The following KLF8 variants were observed in gnomAD, a reference collection of about 807,000 sequenced individuals.
KLF8 encodes the protein KLF transcription factor 8.
In KLF8, 10 loss-of-function variants were observed where a neutral mutation model predicts 18.2. The ratio of observed to expected loss-of-function variants is 0.55; its 90% CI spans 0.34 to 0.93. KLF8 has a LOEUF of 0.93. Ranked by LOEUF, KLF8 falls within the 40% of genes least tolerant of loss-of-function variation. The pLI is 0.02. For missense variants in KLF8, 264 were observed against 277.9 expected (o/e 0.95, Z 0.36); for synonymous variants, 109 against 97.3 (o/e 1.12, Z -0.71).
chrX:56,213,834 G>A, the KLF8 span, among the ~76,000 whole-genome samples: 1 of 111,287 alleles, frequency 9.0e-6, no homozygotes, highest in Non-Finnish European at 1.9e-5. Context: ...TTTTCACAAG[G>A]GCACAGGATC....
chrX:56,173,496 C>T, the KLF8 span, among the ~76,000 whole-genome samples: 5 of 111,924 alleles, frequency 4.5e-5, no homozygotes, highest in African/African-American at 1.6e-4. Context: ...GTTTTGGTTA[C>T]TGTAGCCTTG....
At chrX:55,971,510 T>A in the KLF8 span, among the ~76,000 whole-genome samples, 165 of 111,223 alleles carry the variant, frequency 1.5e-3, 1 homozygote, top group South Asian at 0.024. Flanking sequence ...GGCAAAGATT[T>A]TTTGAGTAAT....
At chrX:55,961,426 T>A in the KLF8 span, 2 of 530,778 alleles carry the variant, frequency 3.8e-6, no homozygotes, top group Non-Finnish European at 7.0e-6. Flanking sequence ...TGGAAAGCCT[T>A]ACATGCTGCT....
rs1377417087 is a variant in KLF8, at chrX:56,289,874, T to C, written c.*5380T>C. Among the ~76,000 whole-genome samples the C allele has an allele frequency of 9.0e-6, 1 of 111,644 alleles. No individual in the cohort carries two copies. The highest frequency in any genetic ancestry group is 3.3e-5 in the African/African-American group (1 of 30,706). ...GCAAAATTCTGGAATTAGGGATTTC[T>C]GTGATCTGAGTTCCAAGATTCTGGG... On this transcript the variant is annotated 3_prime_UTR_variant, in exon 6 of 6. Transcript: ENST00000468660.
At chrX:55,994,091 T>C in the KLF8 span, among the ~76,000 whole-genome samples, 1 of 109,692 alleles carries the variant, frequency 9.1e-6, no homozygotes, top group Non-Finnish European at 1.9e-5. Context: ...TTTGTATTTT[T>C]AGTAGAGACA....
the KLF8 span, among the ~76,000 whole-genome samples, chrX:55,915,708 C>T: frequency 2.7e-5 from 3 of 111,979 alleles, no homozygotes; most frequent in Non-Finnish European, 3.8e-5. Flanking sequence ...GCCTATACTG[C>T]CTCATGGTGA....
At chrX:55,992,533 T>G in the KLF8 span, among the ~76,000 whole-genome samples, 69 of 111,805 alleles carry the variant, frequency 6.2e-4, no homozygotes, top group Non-Finnish European at 1.1e-3. Context: ...GGTAGAGTGG[T>G]GCCTCTGGTT....
chrX:56,100,714 G>T, the KLF8 span, among the ~76,000 whole-genome samples: 1 of 111,979 alleles, frequency 8.9e-6, no homozygotes, highest in Non-Finnish European at 1.9e-5. Context: ...AGATGTGGTG[G>T]AAATCACAAG....
At chrX:55,965,963 A>G in the KLF8 span, among the ~76,000 whole-genome samples, 1 of 111,856 alleles carries the variant, frequency 8.9e-6, no homozygotes, top group Admixed American at 9.4e-5. Flanking sequence ...ATTGAAGAAC[A>G]TTTGGGCCTT....
the KLF8 span, among the ~76,000 whole-genome samples, chrX:56,086,085 A>G: frequency 1.4e-4 from 16 of 112,177 alleles, no homozygotes; most frequent in African/African-American, 5.2e-4. Context: ...AAAACCAAGG[A>G]CATCTCAAGA....
the KLF8 span, among the ~76,000 whole-genome samples, chrX:56,061,592 TCA>T: frequency 8.9e-6 from 1 of 111,769 alleles, no homozygotes. Context: ...AATTATGTCA[TCA>T]ATTTTAGAAT....
the KLF8 span, among the ~76,000 whole-genome samples, chrX:56,154,618 C>T: frequency 1.2e-4 from 13 of 112,114 alleles, no homozygotes; most frequent in Admixed American, 3.8e-4. Flanking sequence ...TCTAATTAAA[C>T]TAAATAGCTT....
At chrX:56,203,033 A>AC in the KLF8 span, among the ~76,000 whole-genome samples, 1 of 110,571 alleles carries the variant, frequency 9.0e-6, no homozygotes, top group African/African-American at 3.3e-5. Flanking sequence ...ACTAATTTAC[A>AC]CCCCCACCCA....
chrX:55,998,380 A>G, the KLF8 span, among the ~76,000 whole-genome samples: 2 of 112,038 alleles, frequency 1.8e-5, no homozygotes, highest in East Asian at 5.6e-4. Flanking sequence ...ATTTCAGACT[A>G]TTACATGGGG....
chrX:55,942,801 A>C, the KLF8 span, among the ~76,000 whole-genome samples: 113 of 112,357 alleles, frequency 1.0e-3, no homozygotes, highest in African/African-American at 3.6e-3. Flanking sequence ...CCCTGAATTG[A>C]AGGCAAGTTC....
the KLF8 span, among the ~76,000 whole-genome samples, chrX:56,136,013 G>A: frequency 3.6e-5 from 4 of 111,308 alleles, no homozygotes; most frequent in Non-Finnish European, 7.5e-5. Flanking sequence ...GCTTCAAAGA[G>A]AATAAAATAC....
the KLF8 span, among the ~76,000 whole-genome samples, chrX:56,044,583 A>T: frequency 8.9e-6 from 1 of 112,946 alleles, no homozygotes; most frequent in Non-Finnish European, 1.9e-5. Context: ...CAGTCTCGCC[A>T]CAATCTGGCA....
chrX:56,194,677 C>T, the KLF8 span, among the ~76,000 whole-genome samples: 3 of 112,455 alleles, frequency 2.7e-5, no homozygotes, highest in Non-Finnish European at 3.8e-5. Context: ...ACTTAAATGG[C>T]CCTGTCTGGC....
the KLF8 span, among the ~76,000 whole-genome samples, chrX:55,991,288 G>A: frequency 6.2e-5 from 7 of 112,259 alleles, no homozygotes; most frequent in African/African-American, 1.6e-4. Context: ...CTCTGTGGGC[G>A]TAGGACCCTC....
Sources: gnomAD v4.1 joint callset for allele counts (sites outside exome capture counted in the v4.1 genomes callset) on GRCh38, gnomAD v4.1.1 for gene constraint, MANE v1.5 for transcripts, NCBI Gene and HGNC (gene_info 2026-07-23, HGNC 2026-07-21) for gene names.